The following TRPC7 variants were observed in gnomAD, a reference collection of about 807,000 sequenced individuals.
The protein encoded by TRPC7 is short transient receptor potential channel 7.
TRPC7 carries 42 observed loss-of-function variants against 90.1 expected under a neutral mutation model. The observed-to-expected ratio is 0.47, with a 90% CI of 0.36 to 0.60. The LOEUF (loss-of-function observed/expected upper bound fraction) is 0.60, where lower values mean the gene tolerates loss of function less well. Among genes scored for constraint, TRPC7 ranks in the 20% least tolerant of loss-of-function variants. TRPC7 has a pLI of 0.00. For synonymous variants in TRPC7, 451 were observed against 436.3 expected (o/e 1.03, Z -0.42); for missense variants, 955 against 1,112.3 (o/e 0.86, Z 2.01).
At chr5:136,228,019 C>T (rs1755685231) in intron 8 of TRPC7, among the ~76,000 whole-genome samples, 1 of 152,146 alleles carries the variant, frequency 6.6e-6, no homozygotes, top group African/African-American at 2.4e-5. Flanking sequence ...GCTAGGGAGG[C>T]CCTGGGCATG....
At chr5:136,251,109 G>C (rs1021794076) in intron 6 of TRPC7, among the ~76,000 whole-genome samples, 1 of 152,190 alleles carries the variant, frequency 6.6e-6, no homozygotes. Context: ...ACTATTATTA[G>C]TATTCCTAAA....
At position 136,266,222 on chromosome 5, in the gene TRPC7, A is replaced by G. The variant is rs537574881; in HGVS notation, c.1343T>C (p.Leu448Ser). 1 of 1,612,944 alleles carries G rather than the reference A, an allele frequency of 6.2e-7. No individual in the cohort carries two copies. Among genetic ancestry groups the G allele is most frequent in the Non-Finnish European group, 8.5e-7 (1 of 1,178,954 alleles). Residue 448 changes from leucine (L) to serine (S), a missense_variant and splice_region_variant, in exon 5 of 12, where the codon TTA becomes TCA. Coordinates refer to ENST00000513104, the MANE Select transcript of TRPC7 (RefSeq NM_020389.3). The stretch of plus-strand genomic sequence containing the variant: ...TAAAAATAGAGTGACTTGCTTACCT[A>G]AGACCCACTTCATAATGAGCATTTC... The part of the protein sequence containing the change: ...WTEMLIMKWV[L>S]GMIWSECKEI...
intron 3 of TRPC7, among the ~76,000 whole-genome samples, chr5:136,306,092 C>T (rs1313336328): frequency 6.6e-6 from 1 of 152,196 alleles, no homozygotes; most frequent in Non-Finnish European, 1.5e-5. Flanking sequence ...TATACATGCC[C>T]TGCTCTTGTT....
At chr5:136,301,756 C>T (rs1161842806) in intron 3 of TRPC7, among the ~76,000 whole-genome samples, 2 of 152,190 alleles carry the variant, frequency 1.3e-5, no homozygotes, top group Non-Finnish European at 2.9e-5. Context: ...ACTCAGCCTG[C>T]CTGCACCCAG....
chr5:136,335,166 A>G (rs1759614113), intron 2 of TRPC7, among the ~76,000 whole-genome samples: 1 of 152,148 alleles, frequency 6.6e-6, no homozygotes. Flanking sequence ...CACACCTTCA[A>G]CAGACACCTA....
chr5:136,325,947 A>G (rs373863974), intron 2 of TRPC7, among the ~76,000 whole-genome samples: 2 of 152,200 alleles, frequency 1.3e-5, no homozygotes, highest in East Asian at 3.8e-4. Flanking sequence ...TGTCAGATGG[A>G]AAGGGAGAGT....
At chr5:136,305,925 C>G (rs1758607964) in intron 3 of TRPC7, among the ~76,000 whole-genome samples, 1 of 152,188 alleles carries the variant, frequency 6.6e-6, no homozygotes. Flanking sequence ...TCAGACCTGT[C>G]CTTGGAATGC....
Position 136,365,482 on chromosome 5 carries a change from G to T in TRPC7, c.-228C>A, listed in dbSNP as rs1760694739. The T allele has an allele frequency of 7.0e-6, 4 of 573,700 alleles. No homozygotes were observed. The East Asian group carries it at 1.1e-4, about 16-fold the overall frequency. The allele number at this position is 573,700 out of a possible 1,614,324, so 35.5% of individuals were successfully genotyped here. Reference sequence around the variant, plus strand: ...CCTTCCGAGGCAGAACCGTGTTACCGTCCTTTTCCTAATCGGGGGGAAATT... The same window carrying T: ...CCTTCCGAGGCAGAACCGTGTTACCTTCCTTTTCCTAATCGGGGGGAAATT... On this transcript the variant is annotated 5_prime_UTR_variant, in exon 1 of 12. Transcript: ENST00000513104.
chr5:136,222,785 G>C (rs566658608), intron 10 of TRPC7, among the ~76,000 whole-genome samples: 2 of 152,342 alleles, frequency 1.3e-5, no homozygotes, highest in East Asian at 3.9e-4. Context: ...GTGAGAGAGG[G>C]GGGGCCCTCT....
chr5:136,247,830 T>C lies in TRPC7; in HGVS notation c.1580-95A>G. ...TCTTTAGAGGTCTCCAACTGCATCA[T>C]TTGCCATTCTTGTCCTTGTCCTTAA... On this transcript the variant is annotated intron_variant, in intron 6 of 11. Transcript: ENST00000513104. This position sits in a 1 kb window ranked among gnomAD's most constrained non-coding sequence, Gnocchi z 4.2. 3 of 1,437,814 alleles carry C rather than the reference T, an allele frequency of 2.1e-6. No homozygotes were observed. The highest frequency in any genetic ancestry group is 2.8e-6 in the Non-Finnish European group (3 of 1,066,812). The allele number at this position is 1,437,814 out of a possible 1,614,324, so 89.1% of individuals were successfully genotyped here.
rs778076170 is a variant in TRPC7 at position 136,297,750 on chromosome 5, G to A, written c.963+17847C>T. ...CATAAGTCATGTTCTGAGTTTCCAC[G>A]GACTCAGTGACAATAGTCATAGGAC... On this transcript the variant is annotated intron_variant, in intron 3 of 11. Coordinates refer to ENST00000513104, the MANE Select transcript of TRPC7 (RefSeq NM_020389.3). Among the ~76,000 whole-genome samples the A allele has an allele frequency of 2.6e-5, 4 of 151,956 alleles. No individual in the cohort carries two copies. The East Asian group carries it at 7.7e-4, about 29-fold the overall frequency.
intron 10 of TRPC7, among the ~76,000 whole-genome samples, chr5:136,220,861 G>C (rs34410394): frequency 4.6e-5 from 7 of 151,880 alleles, no homozygotes; most frequent in Non-Finnish European, 2.9e-5. Flanking sequence ...TGTCACCCCC[G>C]GAGGCCCAGC....
intron 3 of TRPC7, among the ~76,000 whole-genome samples, chr5:136,278,430 T>G (rs1757441525): frequency 6.6e-6 from 1 of 152,236 alleles, no homozygotes; most frequent in African/African-American, 2.4e-5. Flanking sequence ...CACTTCTGCA[T>G]GTCACCACAT....
intron 3 of TRPC7, among the ~76,000 whole-genome samples, chr5:136,277,562 G>C (rs1757406456): frequency 6.6e-6 from 1 of 152,168 alleles, no homozygotes; most frequent in Non-Finnish European, 1.5e-5. Flanking sequence ...AGGAGGATGA[G>C]AGTAGCAAAT....
chr5:136,351,623 G>T (rs909769133), intron 2 of TRPC7, among the ~76,000 whole-genome samples: 1 of 152,068 alleles, frequency 6.6e-6, no homozygotes, highest in African/African-American at 2.4e-5. Flanking sequence ...TCTGAGCCCT[G>T]GCACAACAAG....
intron 2 of TRPC7, among the ~76,000 whole-genome samples, chr5:136,321,835 G>A (rs1029395976): frequency 2.6e-5 from 4 of 152,032 alleles, no homozygotes; most frequent in Non-Finnish European, 4.4e-5. Flanking sequence ...CTTTCCCTCA[G>A]CTTGATCACT....
At chr5:136,345,881 C>G (rs1019220724) in intron 2 of TRPC7, among the ~76,000 whole-genome samples, 1 of 152,078 alleles carries the variant, frequency 6.6e-6, no homozygotes. Context: ...TTTGTATAAG[C>G]TGTAAGGAAG....
At chr5:136,283,059 C>T (rs1432205533) in intron 3 of TRPC7, among the ~76,000 whole-genome samples, 3 of 152,222 alleles carry the variant, frequency 2.0e-5, no homozygotes, top group Admixed American at 6.5e-5. Flanking sequence ...GCTCCTTCCT[C>T]CTCCCTCCCT....
At chr5:136,244,257 C>A (rs1756265160) in intron 7 of TRPC7, among the ~76,000 whole-genome samples, 1 of 151,528 alleles carries the variant, frequency 6.6e-6, no homozygotes, top group South Asian at 2.1e-4. Context: ...AGGCTGGTCT[C>A]AAACTCTTGG....
Sources: gnomAD v4.1 joint callset for allele counts (sites outside exome capture counted in the v4.1 genomes callset) on GRCh38, gnomAD v4.1.1 for gene constraint, Gnocchi (gnomAD v3.1) non-coding constraint, MANE v1.5 for transcripts, NCBI Gene and HGNC (gene_info 2026-07-23, HGNC 2026-07-21) for gene names.